Variants in KLF8 observed in about 807,000 individuals in gnomAD.
KLF8 encodes KLF transcription factor 8, also known as Krueppel-like factor 8.
KLF8 carries 10 observed loss-of-function variants against 18.2 expected under a neutral mutation model. The observed-to-expected ratio is 0.55, with a 90% CI of 0.34 to 0.93. The LOEUF is 0.93. Among genes scored for constraint, KLF8 ranks in the 40% least tolerant of loss-of-function variants. The probability of loss-of-function intolerance (pLI) is 0.02; values close to 1 mark genes in which losing one functional copy is unlikely to be tolerated. For synonymous variants in KLF8, 109 were observed against 97.3 expected, an observed-to-expected ratio of 1.12 and a Z score of -0.71; for missense variants, 264 against 277.9, an observed-to-expected ratio of 0.95 and a Z score of 0.36.
the KLF8 span, among the ~76,000 whole-genome samples, chrX:55,911,708 A>G: frequency 8.9e-6 from 1 of 112,040 alleles, no homozygotes; most frequent in Non-Finnish European, 1.9e-5. Context: ...TGCACTAAGA[A>G]CAAGAACAAG....
chrX:55,941,473 G>A, the KLF8 span, among the ~76,000 whole-genome samples: 1 of 111,767 alleles, frequency 8.9e-6, no homozygotes, highest in Non-Finnish European at 1.9e-5. Flanking sequence ...AGGACTTCAT[G>A]TCTAAAACAC....
chrX:56,093,279 A>C, the KLF8 span, among the ~76,000 whole-genome samples: 1 of 111,579 alleles, frequency 9.0e-6, no homozygotes. Context: ...AAAGACAAAT[A>C]GAAAAATTTG....
the KLF8 span, among the ~76,000 whole-genome samples, chrX:56,155,650 A>G: frequency 9.8e-5 from 11 of 111,855 alleles, no homozygotes; most frequent in African/African-American, 3.2e-4. Flanking sequence ...TAGAAAACAT[A>G]GTATCTTTTT....
At chrX:56,269,024 A>T in intron 3 of KLF8, 1 of 886,902 alleles carries the variant, frequency 1.1e-6, no homozygotes, top group Non-Finnish European at 1.4e-6. Context: ...ACACACACAC[A>T]CACGTTGAAA....
the KLF8 span, among the ~76,000 whole-genome samples, chrX:56,018,433 C>G: frequency 9.0e-6 from 1 of 111,531 alleles, no homozygotes; most frequent in Non-Finnish European, 1.9e-5. Flanking sequence ...GAATGAAAGT[C>G]ATAATAAAGA....
chrX:56,165,169 T>A, the KLF8 span, among the ~76,000 whole-genome samples: 1 of 110,901 alleles, frequency 9.0e-6, no homozygotes, highest in African/African-American at 3.3e-5. Context: ...CCAACCCAAA[T>A]GTCCATATGA....
At chrX:56,277,421 G>C (rs185605413) in intron 5 of KLF8, among the ~76,000 whole-genome samples, 89 of 111,701 alleles carry the variant, frequency 8.0e-4, no homozygotes, top group African/African-American at 2.5e-3. Context: ...GTTCCACTTT[G>C]ATGTTCTTGA....
the KLF8 span, among the ~76,000 whole-genome samples, chrX:56,082,496 A>T: frequency 1.9e-5 from 2 of 106,262 alleles, no homozygotes; most frequent in African/African-American, 6.8e-5. Context: ...CTTCTGCTAG[A>T]TTTGGATTTA....
the KLF8 span, among the ~76,000 whole-genome samples, chrX:55,920,212 G>T: frequency 9.0e-6 from 1 of 111,599 alleles, no homozygotes; most frequent in African/African-American, 3.3e-5. Flanking sequence ...CATTCCTAGG[G>T]GAAGGGGGAA....
chrX:56,170,256 A>G, the KLF8 span, among the ~76,000 whole-genome samples: 7 of 110,089 alleles, frequency 6.4e-5, no homozygotes, highest in Non-Finnish European at 1.3e-4. Context: ...TACAATAAAT[A>G]CCTAACTCTT....
At chrX:56,178,978 G>A in the KLF8 span, among the ~76,000 whole-genome samples, 8 of 111,813 alleles carry the variant, frequency 7.2e-5, no homozygotes, top group African/African-American at 2.6e-4. Flanking sequence ...CTCTTTTTTG[G>A]TTCCATATGA....
At chrX:56,107,958 T>A in the KLF8 span, among the ~76,000 whole-genome samples, 73 of 112,337 alleles carry the variant, frequency 6.5e-4, no homozygotes, top group Non-Finnish European at 1.2e-3. Context: ...TTTTTATTTG[T>A]ATTCTTTTGA....
chrX:56,144,761 A>G, the KLF8 span, among the ~76,000 whole-genome samples: 1 of 88,440 alleles, frequency 1.1e-5, no homozygotes, highest in Non-Finnish European at 2.2e-5. Context: ...TCACACAAAA[A>G]AAAAAAAAAG....
chrX:56,083,885 A>G, the KLF8 span, among the ~76,000 whole-genome samples: 1 of 111,516 alleles, frequency 9.0e-6, no homozygotes, highest in African/African-American at 3.3e-5. Context: ...TCCCAAAACT[A>G]TACTTCCCCT....
rs1200383021 is a variant in KLF8 at position 56,265,307 on chromosome X, C to A, written c.209C>A (p.Pro70His). Reference sequence around the variant, plus strand: ...CTGTTTAATGACATCAAGATTGAGCCCCCAGAAGAACTTTTGGCTAGTGAT... The same window carrying A: ...CTGTTTAATGACATCAAGATTGAGCACCCAGAAGAACTTTTGGCTAGTGAT... ...PALFNDIKIE[P>H]PEELLASDFS... Residue 70 changes from proline to histidine, a missense_variant, in exon 3 of 6, where the codon CCC becomes CAC. This residue lies in a region of KLF8 where 221 missense variants were observed against 193.6 expected (regional missense o/e 1.14). Coordinates refer to ENST00000468660, the MANE Select transcript of KLF8 (RefSeq NM_007250.5). 8.3e-7 allele frequency: 1 copy of A among 1,207,476 alleles called. No homozygotes were observed. The highest frequency in any genetic ancestry group is 3.0e-5 in the East Asian group (1 of 33,730).
At chrX:56,175,802 T>C in the KLF8 span, among the ~76,000 whole-genome samples, 5 of 111,713 alleles carry the variant, frequency 4.5e-5, no homozygotes, top group African/African-American at 1.6e-4. Flanking sequence ...TGCATATATA[T>C]TTAGGATAGT....
chrX:56,149,409 C>A, the KLF8 span, among the ~76,000 whole-genome samples: 1 of 110,230 alleles, frequency 9.1e-6, no homozygotes, highest in Non-Finnish European at 1.9e-5. Flanking sequence ...AAAATGAGAA[C>A]AATAGACACT....
chrX:55,939,309 G>T, the KLF8 span, among the ~76,000 whole-genome samples: 1 of 111,466 alleles, frequency 9.0e-6, no homozygotes, highest in Non-Finnish European at 1.9e-5. Context: ...CAGAAATAAA[G>T]ATGTTCTTTG....
the KLF8 span, among the ~76,000 whole-genome samples, chrX:56,180,891 C>T: frequency 5.4e-5 from 6 of 111,868 alleles, no homozygotes; most frequent in East Asian, 1.7e-3. Context: ...ACTATGTGGT[C>T]AATTTTGCAA....
Sources: gnomAD v4.1 joint callset for allele counts (sites outside exome capture counted in the v4.1 genomes callset) on GRCh38, gnomAD v4.1.1 for gene constraint, gnomAD v4.1.1 regional missense constraint, MANE v1.5 for transcripts, NCBI Gene and HGNC (gene_info 2026-07-23, HGNC 2026-07-21) for gene names.